RGS17: variants seen among roughly 807,000 people sequenced by gnomAD.
RGS17 encodes regulator of G-protein signaling 17.
A neutral mutation model predicts 25.5 loss-of-function variants in RGS17; 12 were observed. That is an observed-to-expected ratio of 0.47 (90% CI 0.30 to 0.76). RGS17 has a LOEUF of 0.76. RGS17 is among the 30% of genes least tolerant of loss of function. RGS17 has a pLI of 0.07. For missense variants in RGS17, 196 were observed against 242.2 expected, an observed-to-expected ratio of 0.81 and a Z score of 1.27; for synonymous variants, 71 against 76.9, an observed-to-expected ratio of 0.92 and a Z score of 0.40.
chr6:153,105,589 G>C (rs1460504645), intron 1 of RGS17, among the ~76,000 whole-genome samples: 1 of 152,132 alleles, frequency 6.6e-6, no homozygotes, highest in Non-Finnish European at 1.5e-5. Flanking sequence ...GCCAGAGACA[G>C]TTTAATTTAA....
chr6:153,113,241 C>T (rs1777498323), intron 1 of RGS17, among the ~76,000 whole-genome samples: 1 of 151,178 alleles, frequency 6.6e-6, no homozygotes. Flanking sequence ...ATTTACCAAG[C>T]AAAGGGAAAG....
chr6:153,056,174 A>G (rs116677172), intron 1 of RGS17, among the ~76,000 whole-genome samples: 90 of 152,336 alleles, frequency 5.9e-4, no homozygotes, highest in African/African-American at 2.1e-3. Context: ...TTAAACAGTT[A>G]TGTTCAATTC....
Position 153,008,674 on chromosome 6 carries a change from A to G in RGS17, c.*2900T>C, listed in dbSNP as rs1779102295. ...CATCAGCAAATTCTAATAGTATACAAAGATACCTTGGCAATTGAAAACACA... is the reference window on the plus strand; with the variant it reads ...CATCAGCAAATTCTAATAGTATACAGAGATACCTTGGCAATTGAAAACACA... On this transcript the variant is annotated 3_prime_UTR_variant, in exon 5 of 5. Transcript: ENST00000206262. 1 of 152,334 alleles carries G rather than the reference A, an allele frequency of 6.6e-6. No homozygotes were observed. Among genetic ancestry groups the G allele is most frequent in the Non-Finnish European group, 1.5e-5 (1 of 68,010 alleles). The allele number at this position is 152,334 out of a possible 1,614,324, so 9.4% of individuals were successfully genotyped here.
At chr6:153,036,586 T>C (rs1776245547) in intron 2 of RGS17, among the ~76,000 whole-genome samples, 1 of 152,188 alleles carries the variant, frequency 6.6e-6, no homozygotes, top group Admixed American at 6.5e-5. Flanking sequence ...CAAATTCATT[T>C]ATACAACTAA....
chr6:153,121,284 G>C (rs1044648428), intron 1 of RGS17, among the ~76,000 whole-genome samples: 1 of 152,100 alleles, frequency 6.6e-6, no homozygotes, highest in African/African-American at 2.4e-5. Flanking sequence ...CTTTGTTGCT[G>C]CCTCTCTCTA....
chr6:153,036,857 A>G (rs183347552), intron 2 of RGS17, among the ~76,000 whole-genome samples: 1 of 152,272 alleles, frequency 6.6e-6, no homozygotes, highest in East Asian at 1.9e-4. Context: ...CAAGGCTATT[A>G]TAAAAGTCTC....
intron 4 of RGS17, among the ~76,000 whole-genome samples, chr6:153,016,093 C>T (rs1779181550): frequency 6.6e-6 from 1 of 152,156 alleles, no homozygotes. Flanking sequence ...CTGAACTACA[C>T]ATTTGTCTTT....
At chr6:153,014,814 GA>G (rs1779167196) in intron 4 of RGS17, among the ~76,000 whole-genome samples, 1 of 143,770 alleles carries the variant, frequency 7.0e-6, no homozygotes, top group Admixed American at 6.9e-5. Flanking sequence ...AAAAAAAAAA[GA>G]AACCCATTTC....
intron 2 of RGS17, among the ~76,000 whole-genome samples, chr6:153,032,767 G>C (rs1236741003): frequency 6.9e-6 from 1 of 144,756 alleles, no homozygotes; most frequent in African/African-American, 2.6e-5. Context: ...ATTCTGAATA[G>C]ATCCCGGCCC....
At chr6:153,090,998 A>G (rs1181532134) in intron 1 of RGS17, among the ~76,000 whole-genome samples, 1 of 152,232 alleles carries the variant, frequency 6.6e-6, no homozygotes, top group Non-Finnish European at 1.5e-5. Context: ...CCATTTAACA[A>G]AACAATTTAA....
chr6:153,112,956 C>T (rs1464387228), intron 1 of RGS17, among the ~76,000 whole-genome samples: 1 of 152,128 alleles, frequency 6.6e-6, no homozygotes, highest in Non-Finnish European at 1.5e-5. Context: ...CAGTACCAGC[C>T]ACTGCAAAAC....
At chr6:153,020,188 C>CTTT (rs1444584656) in intron 4 of RGS17, among the ~76,000 whole-genome samples, 1 of 110,240 alleles carries the variant, frequency 9.1e-6, no homozygotes, top group Admixed American at 1.4e-4. Flanking sequence ...GAGTCTCGCA[C>CTTT]TTTTGCCCAG....
chr6:153,013,407 C>T (rs1779153616), intron 4 of RGS17, among the ~76,000 whole-genome samples: 1 of 152,118 alleles, frequency 6.6e-6, no homozygotes, highest in Non-Finnish European at 1.5e-5. Flanking sequence ...TCTCCTCAGG[C>T]CTCCCTATTT....
At chr6:153,125,781 G>T (rs762755847) in intron 1 of RGS17, among the ~76,000 whole-genome samples, 4 of 152,098 alleles carry the variant, frequency 2.6e-5, no homozygotes, top group Non-Finnish European at 4.4e-5. Flanking sequence ...GGAGGTTGAG[G>T]CTACAGTGAG....
Position 153,010,045 on chromosome 6 carries a change from A to T in RGS17, c.*1529T>A, listed in dbSNP as rs1217658224. ...ATAAATTAAAAAATGAGAGGTAGTT[A>T]AAAAAATGACAAAGAAAACCTGTAA... On this transcript the variant is annotated 3_prime_UTR_variant, in exon 5 of 5. Transcript: ENST00000206262. 4 of 151,888 alleles carry T rather than the reference A, an allele frequency of 2.6e-5. No homozygotes were observed. Among genetic ancestry groups the T allele is most frequent in the Non-Finnish European group, 4.4e-5 (3 of 67,812 alleles). 9.4% of individuals were successfully genotyped at this position (151,888 alleles called of 1,614,324 possible).
intron 1 of RGS17, among the ~76,000 whole-genome samples, chr6:153,061,462 C>T (rs568389954): frequency 4.6e-5 from 7 of 151,876 alleles, no homozygotes; most frequent in African/African-American, 1.4e-4. Context: ...TTTCAATACA[C>T]GTAAAGAAGA....
chr6:153,010,883 C>CTTTTTTTTT lies in RGS17; in HGVS notation c.*682_*690dup, dbSNP rs367841076. 2.9e-5 allele frequency: 4 copies of CTTTTTTTTT among 137,986 alleles called. No homozygotes were observed. The highest frequency in any genetic ancestry group is 4.7e-5 in the Non-Finnish European group (3 of 63,204). 8.5% of individuals were successfully genotyped at this position (137,986 alleles called of 1,614,324 possible). A position where few individuals can be genotyped will look rare whatever the true frequency, so the allele number is the denominator to read the frequency against. On this transcript the variant is annotated 3_prime_UTR_variant, in exon 5 of 5. Transcript: ENST00000206262. ...TGTTTTGTGCTTTTTTCCTTCTTCC[C>CTTTTTTTTT]TTTTTTTTTTTTTTTGTTTTTTGCT...
At chr6:153,091,394 C>T (rs1339165427) in intron 1 of RGS17, among the ~76,000 whole-genome samples, 1 of 151,956 alleles carries the variant, frequency 6.6e-6, no homozygotes, top group East Asian at 1.9e-4. Flanking sequence ...AAGAAAATGT[C>T]TTCATTAATG....
chr6:153,032,556 G>T (rs938616730), intron 2 of RGS17, among the ~76,000 whole-genome samples: 4 of 141,014 alleles, frequency 2.8e-5, no homozygotes, highest in African/African-American at 1.1e-4. Flanking sequence ...AAGTTTCTGC[G>T]GGTAAATACC....
Sources: gnomAD v4.1 joint callset for allele counts (sites outside exome capture counted in the v4.1 genomes callset) on GRCh38, gnomAD v4.1.1 for gene constraint, MANE v1.5 for transcripts, NCBI Gene and HGNC (gene_info 2026-07-23, HGNC 2026-07-21) for gene names.